NT5C1A: variants seen among roughly 807,000 people sequenced by gnomAD.
NT5C1A encodes 5'-nucleotidase, cytosolic IA, also known as cytosolic 5'-nucleotidase 1A.
A neutral mutation model predicts 31.0 loss-of-function variants in NT5C1A; 18 were observed. That is an observed-to-expected ratio of 0.58 (90% CI 0.40 to 0.86). NT5C1A has a LOEUF of 0.86. Ranked by LOEUF, NT5C1A falls within the 40% of genes least tolerant of loss-of-function variation. The pLI is 0.00. For missense variants in NT5C1A, 470 were observed against 505.4 expected (o/e 0.93, Z 0.67); for synonymous variants, 185 against 203.6 (o/e 0.91, Z 0.78).
At chr1:39,666,713 C>T (rs1177859868) in intron 1 of NT5C1A, among the ~76,000 whole-genome samples, 2 of 152,204 alleles carry the variant, frequency 1.3e-5, no homozygotes, top group East Asian at 3.8e-4. Context: ...ATCCATCTAA[C>T]TGCCCCAGTT....
rs1305578141 is a variant in NT5C1A, at chr1:39,656,222, C to T, written c.*2899G>A. 6.6e-6 allele frequency among the ~76,000 whole-genome samples: 1 copy of T among 152,196 alleles called. No individual in the cohort carries two copies. The highest frequency in any genetic ancestry group is 1.5e-5 in the Non-Finnish European group (1 of 68,040). On this transcript the variant is annotated 3_prime_UTR_variant, in exon 6 of 6. Transcript: ENST00000235628. ...CAGTGTTTCAGAAGCCGTGGCTGCT[C>T]CACCTCAGTGCTGCATTCCCTGGTT...
intron 1 of NT5C1A, among the ~76,000 whole-genome samples, chr1:39,668,719 C>T (rs1200113716): frequency 6.6e-6 from 1 of 152,228 alleles, no homozygotes; most frequent in Non-Finnish European, 1.5e-5. Context: ...CCTTCACTTT[C>T]CAGATTTGGG....
At chr1:39,660,320 G>A (rs373709582) in intron 5 of NT5C1A, among the ~76,000 whole-genome samples, 70 of 152,266 alleles carry the variant, frequency 4.6e-4, no homozygotes, top group African/African-American at 1.6e-3. Flanking sequence ...TTGAGCTCCC[G>A]GGTTTTTGTT....
At chr1:39,660,511 G>T (rs940389168) in intron 5 of NT5C1A, among the ~76,000 whole-genome samples, 4 of 152,116 alleles carry the variant, frequency 2.6e-5, no homozygotes, top group African/African-American at 9.7e-5. Context: ...CAAAGCAAAT[G>T]GTCTGCCCCA....
chr1:39,665,425 C>T lies in NT5C1A; in HGVS notation c.433+96G>A. On this transcript the variant is annotated intron_variant, in intron 3 of 5. Transcript: ENST00000235628. The stretch of plus-strand genomic sequence containing the variant: ...CACACACTGGACTTGGGGTTCTGGT[C>T]AGTACAACTCCATCCTGCAGAGGTG... 3 of 1,243,436 alleles carry T rather than the reference C, an allele frequency of 2.4e-6. No homozygotes were observed. The South Asian group carries it at 5.3e-5, about 22-fold the overall frequency. 77.0% of individuals were successfully genotyped at this position (1,243,436 alleles called of 1,614,324 possible).
At position 39,655,901 on chromosome 1, in the gene NT5C1A, G is replaced by A. The variant is rs1646456589; in HGVS notation, c.*3220C>T. ...TTTAGTCATCAGTTTGGCTGTACTG[G>A]TGCACACCAATTGAGTGTCATTATA... On this transcript the variant is annotated 3_prime_UTR_variant, in exon 6 of 6. Coordinates refer to ENST00000235628, the MANE Select transcript of NT5C1A (RefSeq NM_032526.3). Among the ~76,000 whole-genome samples the A allele has an allele frequency of 1.3e-5, 2 of 152,132 alleles. No individual in the cohort carries two copies. Among genetic ancestry groups the A allele is most frequent in the South Asian group, 4.1e-4 (2 of 4,824 alleles).
Position 39,653,778 on chromosome 1 carries a change from C to A in NT5C1A, c.*5343G>T, listed in dbSNP as rs1000770612. On this transcript the variant is annotated 3_prime_UTR_variant, in exon 6 of 6. Coordinates refer to ENST00000235628, the MANE Select transcript of NT5C1A (RefSeq NM_032526.3). The stretch of plus-strand genomic sequence containing the variant: ...TAGATAAAACCCGTGATCTGGGAAG[C>A]CGCCAGCCACACGATGCTATTCATC... 2.6e-5 allele frequency among the ~76,000 whole-genome samples: 4 copies of A among 152,174 alleles called. No individual in the cohort carries two copies. The highest frequency in any genetic ancestry group is 9.7e-5 in the African/African-American group (4 of 41,430).
At chr1:39,659,526 T>G in intron 5 of NT5C1A, 40 bp from the exon 6 acceptor site, 1 of 1,517,576 alleles carries the variant, frequency 6.6e-7, no homozygotes, top group Non-Finnish European at 8.8e-7. Context: ...CTCTACCACC[T>G]CCTAAATATT....
rs1646445988 is a variant in NT5C1A at position 39,653,764 on chromosome 1, C to T, written c.*5357G>A. On this transcript the variant is annotated 3_prime_UTR_variant, in exon 6 of 6. Transcript: ENST00000235628. ...TTTTGCTTTAAGACTAGATAAAACC[C>T]GTGATCTGGGAAGCCGCCAGCCACA... Among the ~76,000 whole-genome samples, 2 of 152,152 alleles carry T rather than the reference C, an allele frequency of 1.3e-5. No individual in the cohort carries two copies. Among genetic ancestry groups the T allele is most frequent in the Non-Finnish European group, 2.9e-5 (2 of 68,024 alleles).
At chr1:39,663,491 AGT>A in intron 3 of NT5C1A, 57 bp from the exon 4 acceptor site, 2 of 1,592,702 alleles carry the variant, frequency 1.3e-6, no homozygotes, top group Non-Finnish European at 1.7e-6. Context: ...GCTTCAGGGC[AGT>A]CTCTCTGTGC....
chr1:39,672,001 CGGGGCTCCT>C lies in NT5C1A; in HGVS notation c.29_37del (p.Gln10_Pro12del), dbSNP rs768315079. 1.9e-6 allele frequency: 3 copies of C among 1,608,022 alleles called. No homozygotes were observed. In the South Asian group the frequency reaches 3.3e-5, roughly 18 times the overall value. ...GGTCTCCGCTCCTGGCCCGGGCTCG[CGGGGCTCCT>C]GGGGCTCCCGGGGCTGCCCAGGTTC... On this transcript the variant is annotated inframe_deletion, in exon 1 of 6. Coordinates refer to ENST00000235628, the MANE Select transcript of NT5C1A (RefSeq NM_032526.3).
At position 39,661,196 on chromosome 1, in the gene NT5C1A, C is replaced by A. The variant is rs755778557; in HGVS notation, c.624G>T (p.Val208=). ...AGAGCACGGCGTCCCCATCGAAGGC[C>A]ACGCGCAGCTGACTCTGGGACACAA... The part of the protein sequence containing the change: ...DVVVSQSQLR[V]AFDGDAVLFS... The change falls in exon 5 of 6, where the codon GTG becomes GTT. Residue 208 remains valine, a synonymous_variant. Transcript: ENST00000235628. 1 of 1,596,976 alleles carries A rather than the reference C, an allele frequency of 6.3e-7. No homozygotes were observed. Among genetic ancestry groups the A allele is most frequent in the South Asian group, 1.1e-5 (1 of 90,638 alleles).
At chr1:39,670,599 C>A (rs1229274383) in intron 1 of NT5C1A, among the ~76,000 whole-genome samples, 1 of 152,152 alleles carries the variant, frequency 6.6e-6, no homozygotes, top group Non-Finnish European at 1.5e-5. Flanking sequence ...TTTGGAAATC[C>A]CTGACCCCCT....
At position 39,661,223 on chromosome 1, in the gene NT5C1A, C is replaced by G; in HGVS notation, c.597G>C (p.Val199=). Residue 199 remains valine (V), a synonymous_variant, in exon 5 of 6, where the codon GTG becomes GTC. Coordinates refer to ENST00000235628, the MANE Select transcript of NT5C1A (RefSeq NM_032526.3). ...CGCGCAGCTGACTCTGGGACACAAC[C>G]ACATCCCTGCTGGGGCTGAAGATGG... is the stretch of plus-strand genomic sequence containing the variant. ...AATIFSPSRD[V]VVSQSQLRVA... is the part of the protein sequence containing the mutation. 2 of 1,593,504 alleles carry G rather than the reference C, an allele frequency of 1.3e-6. No homozygotes were observed. Among genetic ancestry groups the G allele is most frequent in the Non-Finnish European group, 1.7e-6 (2 of 1,162,978 alleles).
chr1:39,652,460 T>C lies in NT5C1A; in HGVS notation c.*6661A>G, dbSNP rs1022990188. 2.0e-5 allele frequency among the ~76,000 whole-genome samples: 3 copies of C among 152,128 alleles called. No homozygotes were observed. Among genetic ancestry groups the C allele is most frequent in the Non-Finnish European group, 4.4e-5 (3 of 68,026 alleles). On this transcript the variant is annotated 3_prime_UTR_variant, in exon 6 of 6. Transcript: ENST00000235628. ...GAAGAACTGGCTTAATCCTCTCCAC[T>C]CATTTATGTTTCCTGCCTCGCCCCT...
In NT5C1A at chr1:39,659,346, C is replaced by G; in HGVS notation, c.882G>C (p.Lys294Asn). 6.2e-7 allele frequency: 1 copy of G among 1,613,940 alleles called. No individual in the cohort carries two copies. Among genetic ancestry groups the G allele is most frequent in the Non-Finnish European group, 8.5e-7 (1 of 1,180,030 alleles). The change falls in exon 6 of 6, where the codon AAG becomes AAC. Residue 294 changes from lysine (K) to asparagine (N), a missense_variant. Transcript: ENST00000235628. ...SAASSGARAL[K>N]TLRSWGLETD... is the part of the protein sequence containing the mutation. ...TCTCCAGGCCCCAGCTGCGCAGGGT[C>G]TTGAGAGCCCGGGCCCCGGAACTGG...
In NT5C1A at chr1:39,659,160, C is replaced by G. The variant is rs755296796; in HGVS notation, c.1068G>C (p.Arg356=). 3.7e-6 allele frequency: 6 copies of G among 1,611,222 alleles called. No homozygotes were observed. Among genetic ancestry groups the G allele is most frequent in the Non-Finnish European group, 5.1e-6 (6 of 1,178,174 alleles). Residue 356 remains arginine (R), a synonymous_variant, in exon 6 of 6, where the codon CGG becomes CGC. Coordinates refer to ENST00000235628, the MANE Select transcript of NT5C1A (RefSeq NM_032526.3). ...HVPYGVAQTP[R]RTAPAKQAPS... ...GGGCCTGCTTTGCAGGTGCAGTCCGCCGGGGTGTCTGTGCCACACCATAAG... is the reference window on the plus strand; with the variant it reads ...GGGCCTGCTTTGCAGGTGCAGTCCGGCGGGGTGTCTGTGCCACACCATAAG...
rs749217963 is a variant in NT5C1A at position 39,659,339 on chromosome 1, G to A, written c.889C>T (p.Arg297Cys). Residue 297 changes from arginine (R) to cysteine (C), a missense_variant, in exon 6 of 6, where the codon CGC becomes TGC. Transcript: ENST00000235628. Reference sequence around the variant, plus strand: ...TCATCTGTCTCCAGGCCCCAGCTGCGCAGGGTCTTGAGAGCCCGGGCCCCG... The same window carrying A: ...TCATCTGTCTCCAGGCCCCAGCTGCACAGGGTCTTGAGAGCCCGGGCCCCG... The part of the protein sequence containing the change: ...SSGARALKTL[R>C]SWGLETDEAL... The A allele has an allele frequency of 4.3e-6, 7 of 1,613,796 alleles. No individual in the cohort carries two copies. Among genetic ancestry groups the A allele is most frequent in the East Asian group, 2.2e-5 (1 of 44,902 alleles).
At chr1:39,667,089 TAGAA>T (rs1646527469) in intron 1 of NT5C1A, among the ~76,000 whole-genome samples, 3 of 152,020 alleles carry the variant, frequency 2.0e-5, no homozygotes, top group Non-Finnish European at 4.4e-5. Flanking sequence ...AGTGTGGAAA[TAGAA>T]AGCCCTTCAC....
Sources: gnomAD v4.1 joint callset for allele counts (sites outside exome capture counted in the v4.1 genomes callset) on GRCh38, gnomAD v4.1.1 for gene constraint, MANE v1.5 for transcripts, NCBI Gene and HGNC (gene_info 2026-07-23, HGNC 2026-07-21) for gene names.